The following PCLO variants were observed in gnomAD, a reference collection of about 807,000 sequenced individuals.
The protein encoded by PCLO is protein piccolo.
PCLO carries 82 observed loss-of-function variants against 427.5 expected under a neutral mutation model. The ratio of observed to expected loss-of-function variants is 0.19; its 90% CI spans 0.16 to 0.23. The LOEUF (loss-of-function observed/expected upper bound fraction) is 0.23. Among genes scored for constraint, PCLO ranks in the 10% least tolerant of loss-of-function variants. The pLI is 1.00. For missense variants in PCLO, 6,239 were observed against 6,115.9 expected (o/e 1.02, Z -0.67); for synonymous variants, 2,357 against 2,155.4 (o/e 1.09, Z -2.59).
At chr7:82,909,373 T>C (rs1322501030) in intron 7 of PCLO, among the ~76,000 whole-genome samples, 2 of 151,946 alleles carry the variant, frequency 1.3e-5, no homozygotes, top group African/African-American at 4.8e-5. Context: ...CCTCAGCCCA[T>C]CAGTTCCCAC....
chr7:83,132,403 A>T (rs1157806557), intron 3 of PCLO, among the ~76,000 whole-genome samples: 1 of 152,210 alleles, frequency 6.6e-6, no homozygotes, highest in Non-Finnish European at 1.5e-5. Flanking sequence ...AACTATTCAA[A>T]GTACTGAAAT....
chr7:83,077,243 T>C (rs907350658), intron 3 of PCLO, among the ~76,000 whole-genome samples: 7 of 152,140 alleles, frequency 4.6e-5, no homozygotes, highest in Non-Finnish European at 1.0e-4. Context: ...CTTTGGTCTG[T>C]ACTGCTCTAT....
chr7:82,825,873 A>T (rs1791929700), intron 18 of PCLO, among the ~76,000 whole-genome samples: 1 of 148,402 alleles, frequency 6.7e-6, no homozygotes, highest in African/African-American at 2.4e-5. Flanking sequence ...CACAATGTGT[A>T]CATATCTACA....
intron 8 of PCLO, among the ~76,000 whole-genome samples, chr7:82,905,033 G>C (rs1257217434): frequency 6.6e-6 from 1 of 152,036 alleles, no homozygotes; most frequent in Non-Finnish European, 1.5e-5. Context: ...TGAATGTTGA[G>C]AGAGTCCTGT....
At chr7:82,992,350 C>G (rs1192451895) in intron 3 of PCLO, among the ~76,000 whole-genome samples, 1 of 152,034 alleles carries the variant, frequency 6.6e-6, no homozygotes, top group African/African-American at 2.4e-5. Context: ...CTGCTCTCCA[C>G]AGTTAATATC....
At chr7:82,760,574 T>C (rs1790408914) in intron 24 of PCLO, 65 bp downstream of exon 24, 8 of 1,069,868 alleles carry the variant, frequency 7.5e-6, no homozygotes, top group Non-Finnish European at 1.1e-5. Context: ...TATTGAATAA[T>C]GGGATAAAAA....
chr7:82,974,979 G>A (rs1425847379), intron 3 of PCLO, among the ~76,000 whole-genome samples: 5 of 151,872 alleles, frequency 3.3e-5, no homozygotes, highest in African/African-American at 4.8e-5. Context: ...GGGTTTCACC[G>A]TATTAGCCAG....
rs139887015 is a variant in PCLO, at chr7:82,756,420, G to A, written c.*2155C>T. ...TCCACTCTCCCATGCTCATTTGAGAGCAATGTCAATGGTAAATGACATTGT... is the reference window on the plus strand; with the variant it reads ...TCCACTCTCCCATGCTCATTTGAGAACAATGTCAATGGTAAATGACATTGT... On this transcript the variant is annotated 3_prime_UTR_variant, in exon 25 of 25. Coordinates refer to ENST00000333891, the MANE Select transcript of PCLO (RefSeq NM_033026.6). The A allele has an allele frequency of 6.6e-6, 1 of 152,068 alleles. No individual in the cohort carries two copies. The allele number at this position is 152,068 out of a possible 1,614,324, so 9.4% of individuals were successfully genotyped here.
At chr7:82,909,097 A>G in intron 7 of PCLO, 84 bp from the exon 8 acceptor site, 1 of 1,325,756 alleles carries the variant, frequency 7.5e-7, no homozygotes, top group Non-Finnish European at 1.1e-6. Context: ...TAGTACTAGC[A>G]TGCACTAGGC....
chr7:83,092,946 C>CAAAAAAAA (rs10684707), intron 3 of PCLO, among the ~76,000 whole-genome samples: 8 of 89,582 alleles, frequency 8.9e-5, no homozygotes, highest in East Asian at 3.1e-4. Context: ...GACTCTGTCT[C>CAAAAAAAA]AAAAAAAAAA....
chr7:82,960,729 T>C (rs536576683), intron 4 of PCLO, among the ~76,000 whole-genome samples: 33 of 152,120 alleles, frequency 2.2e-4, no homozygotes, highest in Non-Finnish European at 4.0e-4. Flanking sequence ...TAAAATGATG[T>C]GGCAACAAAG....
At position 82,758,506 on chromosome 7, in the gene PCLO, A is replaced by T; in HGVS notation, c.*69T>A. On this transcript the variant is annotated 3_prime_UTR_variant, in exon 25 of 25. Coordinates refer to ENST00000333891, the MANE Select transcript of PCLO (RefSeq NM_033026.6). ...CTCTCAAAACTTAGCTTTGTACAAT[A>T]GTATTCAACTATAGTCTTGATGTGA... is the stretch of plus-strand genomic sequence containing the variant. The T allele has an allele frequency of 7.5e-7, 1 of 1,336,768 alleles. No individual in the cohort carries two copies. Among genetic ancestry groups the T allele is most frequent in the South Asian group, 1.4e-5 (1 of 73,878 alleles). The allele number at this position is 1,336,768 out of a possible 1,614,324, so 82.8% of individuals were successfully genotyped here. A position where few individuals can be genotyped will look rare whatever the true frequency, so the allele number is the denominator to read the frequency against.
chr7:82,887,614 A>G lies in PCLO; in HGVS notation c.13529-8152T>C, dbSNP rs1793657073. Among the ~76,000 whole-genome samples the G allele has an allele frequency of 2.6e-5, 4 of 152,182 alleles. No homozygotes were observed. In the South Asian group the frequency reaches 8.3e-4, roughly 31 times the overall value. On this transcript the variant is annotated intron_variant, in intron 9 of 24. Coordinates refer to ENST00000333891, the MANE Select transcript of PCLO (RefSeq NM_033026.6). ...CTTAGCAGGAACACAATAACCAAGC[A>G]ATCTGTCAGGAGAAATGATAATGTT...
intron 3 of PCLO, among the ~76,000 whole-genome samples, chr7:83,057,502 C>T (rs550649667): frequency 2.7e-5 from 4 of 149,584 alleles, no homozygotes; most frequent in African/African-American, 9.8e-5. Context: ...GCTGGGACTG[C>T]ATGCGCCCGC....
In PCLO at chr7:82,997,397, C is replaced by A. The variant is rs561703336; in HGVS notation, c.3301-30910G>T. ...CAGATATAGCTGTTACCATTATAAT[C>A]TTTCTGCTATGTTTACAGAAAAAAA... On this transcript the variant is annotated intron_variant, in intron 3 of 24. Coordinates refer to ENST00000333891, the MANE Select transcript of PCLO (RefSeq NM_033026.6). 2.0e-5 allele frequency among the ~76,000 whole-genome samples: 3 copies of A among 152,054 alleles called. No homozygotes were observed. The South Asian group carries it at 6.2e-4, about 32-fold the overall frequency.
rs1005087732 is a variant in PCLO, at chr7:83,092,751, C to A, written c.3300+41499G>T. 3.9e-5 allele frequency among the ~76,000 whole-genome samples: 6 copies of A among 152,000 alleles called. No individual in the cohort carries two copies. In the East Asian group the frequency reaches 9.7e-4, roughly 25 times the overall value. ...GATCATGAGGTCAGGAGTTTGAGAC[C>A]AGCCTGGCCAACATGGTGAAACCCT... On this transcript the variant is annotated intron_variant, in intron 3 of 24. Coordinates refer to ENST00000333891, the MANE Select transcript of PCLO (RefSeq NM_033026.6).
chr7:83,079,575 C>T (rs1483950589), intron 3 of PCLO, among the ~76,000 whole-genome samples: 3 of 152,042 alleles, frequency 2.0e-5, no homozygotes, highest in Admixed American at 2.0e-4. Context: ...GAGGCCTCAT[C>T]CTGGGAAATT....
intron 6 of PCLO, among the ~76,000 whole-genome samples, chr7:82,928,273 T>C (rs1794759870): frequency 1.3e-5 from 2 of 152,188 alleles, no homozygotes; most frequent in African/African-American, 4.8e-5. Context: ...AAAAGAATAA[T>C]GTCCTTGCAA....
chr7:82,910,662 A>C (rs1473564539), intron 7 of PCLO, among the ~76,000 whole-genome samples: 1 of 152,158 alleles, frequency 6.6e-6, no homozygotes, highest in Non-Finnish European at 1.5e-5. Flanking sequence ...CAACTAGAAA[A>C]AGTAAACATC....
Sources: gnomAD v4.1 joint callset for allele counts (sites outside exome capture counted in the v4.1 genomes callset) on GRCh38, gnomAD v4.1.1 for gene constraint, MANE v1.5 for transcripts, NCBI Gene and HGNC (gene_info 2026-07-23, HGNC 2026-07-21) for gene names.